Variants in CCDC102A observed in about 807,000 individuals in gnomAD.
The protein encoded by CCDC102A is coiled-coil domain containing 102A, also known as coiled-coil domain-containing protein 102A.
Under a neutral mutation model 55.5 loss-of-function variants are expected in CCDC102A, and 40 were observed. That is an observed-to-expected ratio of 0.72 (90% CI 0.56 to 0.94). The LOEUF (loss-of-function observed/expected upper bound fraction) is 0.94. Among genes scored for constraint, CCDC102A ranks in the 40% least tolerant of loss-of-function variants. The pLI, the probability that CCDC102A is intolerant of heterozygous loss-of-function variation, is 0.00. For missense variants in CCDC102A, 779 were observed against 768.6 expected, an observed-to-expected ratio of 1.01 and a Z score of -0.16; for synonymous variants, 323 against 339.0, an observed-to-expected ratio of 0.95 and a Z score of 0.52.
Position 57,516,766 on chromosome 16 carries a change from C to T in CCDC102A, c.1249-303G>A, listed in dbSNP as rs771868352. On this transcript the variant is annotated intron_variant, in intron 6 of 8. Coordinates refer to ENST00000258214, the MANE Select transcript of CCDC102A (RefSeq NM_033212.4). The surrounding 1 kb of genome is among the most constrained non-coding windows in gnomAD (Gnocchi z 4.4). ...GCTGTTGGAGCAGGGTCGGGGTTTC[C>T]GGGGAAGGATGAGGTCTGGAGTCTT... is the stretch of plus-strand genomic sequence containing the variant. 1.3e-4 allele frequency among the ~76,000 whole-genome samples: 19 copies of T among 151,868 alleles called. No individual in the cohort carries two copies. The highest frequency in any genetic ancestry group is 3.9e-4 in the Admixed American group (6 of 15,260).
At position 57,529,211 on chromosome 16, in the gene CCDC102A, C is replaced by A; in HGVS notation, c.-34G>T. 8.6e-7 allele frequency: 1 copy of A among 1,157,854 alleles called. No individual in the cohort carries two copies. The allele number at this position is 1,157,854 out of a possible 1,614,324, so 71.7% of individuals were successfully genotyped here. A position where few individuals can be genotyped will look rare whatever the true frequency, so the allele number is the denominator to read the frequency against. On this transcript the variant is annotated 5_prime_UTR_variant, in exon 2 of 9. Transcript: ENST00000258214. This position sits in a 1 kb window ranked among gnomAD's most constrained non-coding sequence, Gnocchi z 4.1. The stretch of plus-strand genomic sequence containing the variant: ...CGGGCGGGCCCTGAGCTCGAACTCG[C>A]GGTCGGGCTCAGGGGCGGCTCCGGG...
intron 4 of CCDC102A, among the ~76,000 whole-genome samples, chr16:57,519,280 A>G (rs934426681): frequency 2.6e-5 from 4 of 152,154 alleles, no homozygotes; most frequent in Non-Finnish European, 5.9e-5. Flanking sequence ...GATTTTTCTT[A>G]TTCTCAGGCC....
In CCDC102A at chr16:57,528,931, C is replaced by T. The variant is rs2032198967; in HGVS notation, c.247G>A (p.Ala83Thr). The T allele has an allele frequency of 3.6e-6, 5 of 1,399,036 alleles. No individual in the cohort carries two copies. Among genetic ancestry groups the T allele is most frequent in the Non-Finnish European group, 4.7e-6 (5 of 1,066,014 alleles). The allele number at this position is 1,399,036 out of a possible 1,614,324, so 86.7% of individuals were successfully genotyped here. ...EELRLRELEE[A>T]RARAAQMEKT... is the part of the protein sequence containing the mutation. ...TCCATCTGCGCCGCCCGCGCCCGCGCCTCCTCCAGCTCCCGCAGCCGCAGC... is the reference window on the plus strand; with the variant it reads ...TCCATCTGCGCCGCCCGCGCCCGCGTCTCCTCCAGCTCCCGCAGCCGCAGC... The change falls in exon 2 of 9, where the codon GCG becomes ACG. Residue 83 changes from alanine to threonine, a missense_variant. Coordinates refer to ENST00000258214, the MANE Select transcript of CCDC102A (RefSeq NM_033212.4).
chr16:57,530,472 A>C (rs72791632), intron 1 of CCDC102A, among the ~76,000 whole-genome samples: 3 of 152,080 alleles, frequency 2.0e-5, no homozygotes, highest in Admixed American at 2.0e-4. Flanking sequence ...TTTCTGAGTG[A>C]TCAGTGTACT....
At position 57,518,252 on chromosome 16, in the gene CCDC102A, G is replaced by A; in HGVS notation, c.1064C>T (p.Ala355Val). The change falls in exon 6 of 9, where the codon GCT becomes GTT. Residue 355 changes from alanine (A) to valine (V), a missense_variant. Coordinates refer to ENST00000258214, the MANE Select transcript of CCDC102A (RefSeq NM_033212.4). The stretch of plus-strand genomic sequence containing the variant: ...CCGCTCCCGGCGGCCCCACTCCGCA[G>A]CGTTTTCGGCCTGCAGCCGCTCCAT... ...GEMERLQAEN[A>V]AEWGRRERLE... 3 of 1,610,514 alleles carry A rather than the reference G, an allele frequency of 1.9e-6. No individual in the cohort carries two copies. Among genetic ancestry groups the A allele is most frequent in the Non-Finnish European group, 2.5e-6 (3 of 1,179,906 alleles).
chr16:57,521,473 C>T (rs2032051157), intron 3 of CCDC102A, among the ~76,000 whole-genome samples: 1 of 152,202 alleles, frequency 6.6e-6, no homozygotes. Flanking sequence ...ACCTCAGGCT[C>T]ATCTGAAAAT....
chr16:57,524,648 C>T (rs2032105444), intron 3 of CCDC102A, among the ~76,000 whole-genome samples: 1 of 152,084 alleles, frequency 6.6e-6, no homozygotes, highest in South Asian at 2.1e-4. Flanking sequence ...ACAAGCAATC[C>T]TCTTGCCTCG....
intron 3 of CCDC102A, among the ~76,000 whole-genome samples, chr16:57,522,915 C>T (rs1234906719): frequency 1.3e-5 from 2 of 152,220 alleles, no homozygotes; most frequent in Admixed American, 6.5e-5. Flanking sequence ...ACCTGTAATC[C>T]TAGCGCTTTG....
rs1032234942 is a variant in CCDC102A, at chr16:57,529,578, C to A, written c.-147-254G>T. Among the ~76,000 whole-genome samples, 1 of 152,182 alleles carries A rather than the reference C, an allele frequency of 6.6e-6. No individual in the cohort carries two copies. Among genetic ancestry groups the A allele is most frequent in the Admixed American group, 6.5e-5 (1 of 15,284 alleles). ...TTGATCTGTTCTTTATTCTCCCGGTCCCGGCTCACACACTGATGGCTTATA... is the reference window on the plus strand; with the variant it reads ...TTGATCTGTTCTTTATTCTCCCGGTACCGGCTCACACACTGATGGCTTATA... On this transcript the variant is annotated intron_variant, in intron 1 of 8. Transcript: ENST00000258214. The surrounding 1 kb of genome is among the most constrained non-coding windows in gnomAD (Gnocchi z 4.1).
chr16:57,524,967 G>GTCTC (rs1462388834), intron 3 of CCDC102A, among the ~76,000 whole-genome samples: 1 of 152,100 alleles, frequency 6.6e-6, no homozygotes, highest in East Asian at 1.9e-4. Flanking sequence ...TGTCTCCTCT[G>GTCTC]CTGTTTCCCT....
chr16:57,528,841 C>A lies in CCDC102A; in HGVS notation c.337G>T (p.Ala113Ser). The A allele has an allele frequency of 7.6e-7, 1 of 1,322,716 alleles. No homozygotes were observed. Among genetic ancestry groups the A allele is most frequent in the South Asian group, 1.6e-5 (1 of 64,190 alleles). 81.9% of individuals were successfully genotyped at this position (1,322,716 alleles called of 1,614,324 possible). The part of the protein sequence containing the change: ...NWREKWSKVR[A>S]ERNRAREEVR... ...TCCTCGCGCGCGCGGTTGCGCTCAG[C>A]GCGCACCTTGCTCCATTTCTCGCGC... Residue 113 changes from alanine to serine, a missense_variant, in exon 2 of 9, where the codon GCT becomes TCT. Transcript: ENST00000258214.
In CCDC102A at chr16:57,529,021, G is replaced by A. The variant is rs1392206868; in HGVS notation, c.157C>T (p.Pro53Ser). Reference sequence around the variant, plus strand: ...GGCGCGGGGGGCAGGGGCAGTGCGGGCGGCGGCCCGGGCGAGGGCGTGCCG... The same window carrying A: ...GGCGCGGGGGGCAGGGGCAGTGCGGACGGCGGCCCGGGCGAGGGCGTGCCG... ...PSGTPSPGPP[P>S]ALPLPPAPAL... The change falls in exon 2 of 9, where the codon CCC becomes TCC. Residue 53 changes from proline (P) to serine (S), a missense_variant. By Grantham distance (74) the Pro-to-Ser change is moderately conservative. Transcript: ENST00000258214. This position sits in a 1 kb window ranked among gnomAD's most constrained non-coding sequence, Gnocchi z 4.1. 2 of 1,101,378 alleles carry A rather than the reference G, an allele frequency of 1.8e-6. No individual in the cohort carries two copies. The highest frequency in any genetic ancestry group is 1.7e-5 in the African/African-American group (1 of 58,712). 68.2% of individuals were successfully genotyped at this position (1,101,378 alleles called of 1,614,324 possible). A position where few individuals can be genotyped will look rare whatever the true frequency, so the allele number is the denominator to read the frequency against.
In CCDC102A at chr16:57,529,442, C is replaced by T; in HGVS notation, c.-147-118G>A. The T allele has an allele frequency of 4.7e-6, 1 of 211,264 alleles. No individual in the cohort carries two copies. The highest frequency in any genetic ancestry group is 8.9e-6 in the Non-Finnish European group (1 of 112,382). The allele number at this position is 211,264 out of a possible 1,614,324, so 13.1% of individuals were successfully genotyped here. ...AAGGTAGGAGGAGAGAGTTCTGTTC[C>T]AGGAGAGTCCCAATGAGGCAGGATT... is the stretch of plus-strand genomic sequence containing the variant. On this transcript the variant is annotated intron_variant, in intron 1 of 8. Transcript: ENST00000258214. The surrounding 1 kb of genome is among the most constrained non-coding windows in gnomAD (Gnocchi z 4.1).
intron 3 of CCDC102A, among the ~76,000 whole-genome samples, chr16:57,522,505 C>T (rs1453842941): frequency 6.6e-6 from 1 of 152,322 alleles, no homozygotes; most frequent in Non-Finnish European, 1.5e-5. Flanking sequence ...CCTGCCACCT[C>T]GAGCTCCCAA....
At chr16:57,530,923 CCCA>C (rs1272222304) in intron 1 of CCDC102A, among the ~76,000 whole-genome samples, 1 of 151,890 alleles carries the variant, frequency 6.6e-6, no homozygotes, top group Non-Finnish European at 1.5e-5. Context: ...GCCCTCTGGA[CCCA>C]CCGTGGCACC....
At chr16:57,522,584 G>T (rs1283685653) in intron 3 of CCDC102A, among the ~76,000 whole-genome samples, 1 of 152,206 alleles carries the variant, frequency 6.6e-6, no homozygotes, top group Non-Finnish European at 1.5e-5. Flanking sequence ...CTTTACCAAA[G>T]GCTGTTCATC....
At chr16:57,535,046 G>A (rs760677249) in intron 1 of CCDC102A, among the ~76,000 whole-genome samples, 2 of 152,220 alleles carry the variant, frequency 1.3e-5, no homozygotes, top group Admixed American at 6.5e-5. Flanking sequence ...TCCTCCCAGA[G>A]CCTTTCAGGT....
intron 1 of CCDC102A, among the ~76,000 whole-genome samples, chr16:57,531,871 T>A (rs1484154798): frequency 6.6e-6 from 1 of 151,846 alleles, no homozygotes; most frequent in African/African-American, 2.4e-5. Flanking sequence ...CCTTCAACTA[T>A]GGAGCCAGGC....
At chr16:57,527,062 G>A (rs2032150215) in intron 2 of CCDC102A, among the ~76,000 whole-genome samples, 1 of 152,200 alleles carries the variant, frequency 6.6e-6, no homozygotes, top group Non-Finnish European at 1.5e-5. Context: ...TGTGCGCAGT[G>A]AACACCACCT....
Sources: allele counts gnomAD v4.1 joint callset (sites outside exome capture counted in the v4.1 genomes callset), GRCh38; gene constraint gnomAD v4.1.1; non-coding constraint Gnocchi (gnomAD v3.1); transcripts MANE v1.5; gene names NCBI Gene and HGNC (gene_info 2026-07-23, HGNC 2026-07-21).